Variants in RAF1 observed in about 807,000 individuals in gnomAD.
RAF1 encodes RAF proto-oncogene serine/threonine-protein kinase.
RAF1 carries 27 observed loss-of-function variants against 81.1 expected under a neutral mutation model. The ratio of observed to expected loss-of-function variants is 0.33; its 90% confidence interval spans 0.25 to 0.46. The LOEUF is 0.46. RAF1 is among the 20% of genes least tolerant of loss of function. The pLI is 1.00. For missense variants in RAF1, 598 were observed against 826.0 expected, an observed-to-expected ratio of 0.72 and a Z score of 3.38; for synonymous variants, 298 against 294.0, an observed-to-expected ratio of 1.01 and a Z score of -0.14.
At chr3:12,625,692 T>G (rs918378392) in intron 1 of RAF1, among the ~76,000 whole-genome samples, 3 of 143,186 alleles carry the variant, frequency 2.1e-5, no homozygotes, top group African/African-American at 8.1e-5. Context: ...AAGGTCTAAG[T>G]GAAAGAATAT....
chr3:12,642,671 T>TACACACACACACAC lies in RAF1; in HGVS notation c.-27+21128_-27+21141dup, dbSNP rs71063856. On this transcript the variant is annotated intron_variant, in intron 1 of 17. Coordinates refer to ENST00000442415, the MANE Select transcript of RAF1 (RefSeq NM_001354689.3). ...AGACAACACAGGGAGACACCATCTC[T>TACACACACACACAC]ACACACACACACACACACACACACA... 2.5e-3 allele frequency among the ~76,000 whole-genome samples: 295 copies of TACACACACACACAC among 117,060 alleles called. 2 individuals carry two copies. The highest frequency in any genetic ancestry group is 5.5e-3 in the African/African-American group (168 of 30,672). The allele number at this position is 117,060 out of a possible 152,430, so 76.8% of individuals were successfully genotyped here.
intron 11 of RAF1, among the ~76,000 whole-genome samples, chr3:12,592,995 C>T (rs985644274): frequency 1.3e-5 from 2 of 151,924 alleles, no homozygotes; most frequent in African/African-American, 4.8e-5. Context: ...CCACCTCGGC[C>T]TCCCAAAGTG....
intron 1 of RAF1, among the ~76,000 whole-genome samples, chr3:12,631,209 T>C (rs527808027): frequency 4.6e-5 from 7 of 151,864 alleles, no homozygotes; most frequent in Admixed American, 2.6e-4. Context: ...ATAAATGACA[T>C]AGGCAGTTAG....
intron 1 of RAF1, among the ~76,000 whole-genome samples, chr3:12,620,733 C>T (rs763017237): frequency 6.6e-5 from 10 of 152,162 alleles, no homozygotes; most frequent in Non-Finnish European, 1.0e-4. Context: ...TCTCCTTAGC[C>T]TCCCAAAGTA....
rs115846022 is a variant in RAF1 at position 12,628,501 on chromosome 3, A to G, written c.-26-9754T>C. On this transcript the variant is annotated intron_variant, in intron 1 of 17. Transcript: ENST00000442415. Reference sequence around the variant, plus strand: ...ACACAGTTAGACACCTACTCTACAAAAAAAAGTTTTTAAAAAGTCATTTTT... The same window carrying G: ...ACACAGTTAGACACCTACTCTACAAGAAAAAGTTTTTAAAAAGTCATTTTT... Among the ~76,000 whole-genome samples, 1,144 of 152,130 alleles carry G rather than the reference A, an allele frequency of 7.5e-3. 7 individuals are homozygous for G. Among genetic ancestry groups the G allele is most frequent in the African/African-American group, 0.025 (1,049 of 41,538 alleles).
intron 1 of RAF1, among the ~76,000 whole-genome samples, chr3:12,654,176 T>TGG (rs35679453): frequency 2.0e-5 from 3 of 151,748 alleles, no homozygotes; most frequent in Admixed American, 6.6e-5. Context: ...GTTTTAGAGA[T>TGG]GGGGTCTCAC....
intron 1 of RAF1, among the ~76,000 whole-genome samples, chr3:12,627,096 A>C (rs1319202675): frequency 6.6e-6 from 1 of 152,094 alleles, no homozygotes; most frequent in Non-Finnish European, 1.5e-5. Context: ...TATTACCACG[A>C]AAGTTCCCAG....
chr3:12,652,052 A>AAATAAATG (rs1489977604), intron 1 of RAF1, among the ~76,000 whole-genome samples: 29 of 130,560 alleles, frequency 2.2e-4, no homozygotes, highest in African/African-American at 6.8e-4. Flanking sequence ...ATAAATAAAT[A>AAATAAATG]AATGATATAA....
chr3:12,598,009 CCTT>C lies in RAF1; in HGVS notation c.1168+1679_1168+1681del, dbSNP rs2058736887. On this transcript the variant is annotated intron_variant, in intron 11 of 17. Transcript: ENST00000442415. The stretch of plus-strand genomic sequence containing the variant: ...TACATACTAGATGCAATTTTCTTTT[CCTT>C]TTTTTTTTTTTTTCTGAGACAGGGT... Among the ~76,000 whole-genome samples, 7 of 54,326 alleles carry C rather than the reference CCTT, an allele frequency of 1.3e-4. 1 individual carries two copies. Among genetic ancestry groups the C allele is most frequent in the Non-Finnish European group, 4.6e-5 (1 of 21,594 alleles). The allele number at this position is 54,326 out of a possible 152,430, so 35.6% of individuals were successfully genotyped here.
At chr3:12,653,008 G>A (rs1290208547) in intron 1 of RAF1, among the ~76,000 whole-genome samples, 4 of 151,592 alleles carry the variant, frequency 2.6e-5, no homozygotes, top group Admixed American at 6.6e-5. Flanking sequence ...TTGGCTGGGT[G>A]CGGTAGCTCA....
At chr3:12,592,090 A>C (rs2058534144) in intron 11 of RAF1, 1 of 433,480 alleles carries the variant, frequency 2.3e-6, no homozygotes, top group Non-Finnish European at 4.3e-6. Flanking sequence ...GACTCAAAAA[A>C]GTTACATAGG....
chr3:12,661,826 AAT>A (rs1312612879), intron 1 of RAF1, among the ~76,000 whole-genome samples: 33 of 152,232 alleles, frequency 2.2e-4, no homozygotes, highest in African/African-American at 7.7e-4. Flanking sequence ...AATCCCCAGG[AAT>A]ATATGAGTTC....
chr3:12,653,356 G>T (rs1230247007), intron 1 of RAF1, among the ~76,000 whole-genome samples: 2 of 152,108 alleles, frequency 1.3e-5, no homozygotes, highest in African/African-American at 4.8e-5. Context: ...CTATTGCAGT[G>T]AACTCAAGTG....
intron 2 of RAF1, 113 bp from the exon 3 acceptor site, chr3:12,612,175 C>T (rs1256061977): frequency 3.8e-6 from 3 of 799,572 alleles, no homozygotes; most frequent in Non-Finnish European, 6.6e-6. Flanking sequence ...CACGCACACA[C>T]ACATATACGA....
At chr3:12,647,919 C>G (rs1043776255) in intron 1 of RAF1, among the ~76,000 whole-genome samples, 3 of 152,308 alleles carry the variant, frequency 2.0e-5, no homozygotes, top group Middle Eastern at 3.4e-3. Flanking sequence ...ACAAAACAGA[C>G]TCCTACATTT....
chr3:12,618,451 T>C (rs2059444657), intron 2 of RAF1, 64 bp downstream of exon 2: 2 of 1,549,680 alleles, frequency 1.3e-6, no homozygotes, highest in Non-Finnish European at 1.8e-6. Flanking sequence ...AAGTTGAACA[T>C]GATCCTTAAT....
chr3:12,605,401 C>T (rs1268687779), intron 6 of RAF1, among the ~76,000 whole-genome samples: 1 of 152,008 alleles, frequency 6.6e-6, no homozygotes, highest in Non-Finnish European at 1.5e-5. Context: ...TTCAGCCTCC[C>T]AAGTACCTGG....
intron 17 of RAF1, 58 bp from the exon 17 acceptor site, chr3:12,584,715 C>T (rs2125318103): frequency 1.2e-6 from 2 of 1,613,398 alleles, no homozygotes; most frequent in South Asian, 1.1e-5. Flanking sequence ...CAGGATGTAC[C>T]CTGCCCCCCA....
At position 12,584,207 on chromosome 3, in the gene RAF1, C is replaced by A; in HGVS notation, c.*307G>T. 1 of 456,554 alleles carries A rather than the reference C, an allele frequency of 2.2e-6. No homozygotes were observed. The highest frequency in any genetic ancestry group is 4.1e-6 in the Non-Finnish European group (1 of 246,072). The allele number at this position is 456,554 out of a possible 1,614,324, so 28.3% of individuals were successfully genotyped here. A position where few individuals can be genotyped will look rare whatever the true frequency, so the allele number is the denominator to read the frequency against. ...ATACTCATGTAGCCAACAGCTGGGG[C>A]TGGGCCCCTGCTTTTTGTACTACCA... On this transcript the variant is annotated 3_prime_UTR_variant, in exon 18 of 18. Transcript: ENST00000442415.
Sources: allele counts gnomAD v4.1 joint callset (sites outside exome capture counted in the v4.1 genomes callset), GRCh38; gene constraint gnomAD v4.1.1; transcripts MANE v1.5; gene names NCBI Gene and HGNC (gene_info 2026-07-23, HGNC 2026-07-21).